The following EPAS1 variants were observed in gnomAD, a reference collection of about 807,000 sequenced individuals.
EPAS1 encodes endothelial PAS domain-containing protein 1.
EPAS1 carries 23 observed loss-of-function variants against 87.9 expected under a neutral mutation model. The ratio of observed to expected loss-of-function variants is 0.26; its 90% CI spans 0.19 to 0.37. EPAS1 has a LOEUF of 0.37. Among genes scored for constraint, EPAS1 ranks in the 10% least tolerant of loss-of-function variants. The pLI is 1.00. For synonymous variants in EPAS1, 508 were observed against 444.3 expected (o/e 1.14, Z -1.80); for missense variants, 1,138 against 1,120.7 (o/e 1.02, Z -0.22).
At chr2:46,362,971 G>GGTA (rs1684427470) in intron 6 of EPAS1, among the ~76,000 whole-genome samples, 1 of 87,174 alleles carries the variant, frequency 1.1e-5, no homozygotes, top group African/African-American at 4.9e-5. Context: ...TGGTGGTGGT[G>GGTA]GTGGTAGTGG....
chr2:46,346,997 C>G lies in EPAS1; in HGVS notation c.151C>G (p.Leu51Val). The change falls in exon 2 of 16, where the codon CTG (leucine) becomes GTG (valine). Residue 51 changes from leucine (L) to valine (V), a missense_variant. Leu to Val is a conservative substitution (Grantham distance 32). Coordinates refer to ENST00000263734, the MANE Select transcript of EPAS1 (RefSeq NM_001430.5). The surrounding 1 kb of genome is among the most constrained non-coding windows in gnomAD (Gnocchi z 4.0). ...TCTGCCCCACAGTGTGAGCTCCCAT[C>G]TGGACAAGGCCTCCATCATGCGACT... ...LPLPHSVSSH[L>V]DKASIMRLAI... The G allele has an allele frequency of 6.2e-7, 1 of 1,614,246 alleles. No individual in the cohort carries two copies. Among genetic ancestry groups the G allele is most frequent in the Non-Finnish European group, 8.5e-7 (1 of 1,180,044 alleles).
chr2:46,327,728 A>C (rs1171630084), intron 1 of EPAS1, among the ~76,000 whole-genome samples: 1 of 152,238 alleles, frequency 6.6e-6, no homozygotes, highest in Non-Finnish European at 1.5e-5. Flanking sequence ...GGCACAGAGT[A>C]GGCACACACA....
At position 46,360,376 on chromosome 2, in the gene EPAS1, T is replaced by C. The variant is rs1684361785; in HGVS notation, c.455-262T>C. On this transcript the variant is annotated intron_variant, in intron 4 of 15. Coordinates refer to ENST00000263734, the MANE Select transcript of EPAS1 (RefSeq NM_001430.5). This position sits in a 1 kb window ranked among gnomAD's most constrained non-coding sequence, Gnocchi z 4.5. ...AAGGCACCACTGACCATGTTCCAGA[T>C]GCAATGGGAAATCAAATGATGGAGC... 6.6e-6 allele frequency among the ~76,000 whole-genome samples: 1 copy of C among 152,178 alleles called. No individual in the cohort carries two copies. The highest frequency in any genetic ancestry group is 2.1e-4 in the South Asian group (1 of 4,830).
chr2:46,314,130 C>T (rs570094622), intron 1 of EPAS1, among the ~76,000 whole-genome samples: 11 of 152,190 alleles, frequency 7.2e-5, no homozygotes, highest in Non-Finnish European at 1.5e-4. Flanking sequence ...TCCACAGACC[C>T]ATGCTGTCTC....
chr2:46,380,148 C>G lies in EPAS1; in HGVS notation c.1555-79C>G. 3 of 1,597,258 alleles carry G rather than the reference C, an allele frequency of 1.9e-6. No individual in the cohort carries two copies. Among genetic ancestry groups the G allele is most frequent in the Non-Finnish European group, 1.7e-6 (2 of 1,178,262 alleles). ...GAAACAGTGCTTGAGATGAATGGCT[C>G]TGCAGGAGCTGAGTTGGAATAGTGT... is the stretch of plus-strand genomic sequence containing the variant. On this transcript the variant is annotated intron_variant, in intron 11 of 15. Transcript: ENST00000263734. This position sits in a 1 kb window ranked among gnomAD's most constrained non-coding sequence, Gnocchi z 4.4.
At chr2:46,372,530 G>A (rs1401362646) in intron 7 of EPAS1, among the ~76,000 whole-genome samples, 1 of 152,234 alleles carries the variant, frequency 6.6e-6, no homozygotes, top group East Asian at 1.9e-4. Context: ...TTTCCAAATG[G>A]ATTAATAATT....
intron 1 of EPAS1, among the ~76,000 whole-genome samples, chr2:46,342,039 G>T (rs1683923569): frequency 6.6e-6 from 1 of 151,986 alleles, no homozygotes; most frequent in East Asian, 1.9e-4. Context: ...CTTTGGAACC[G>T]TGGTCCTCAG....
intron 1 of EPAS1, among the ~76,000 whole-genome samples, chr2:46,299,392 C>T (rs1449338859): frequency 6.6e-6 from 1 of 152,194 alleles, no homozygotes; most frequent in East Asian, 1.9e-4. Context: ...AGTGAGGGAG[C>T]CCTGAGACTG....
chr2:46,309,330 C>T (rs1683169358), intron 1 of EPAS1, among the ~76,000 whole-genome samples: 1 of 152,244 alleles, frequency 6.6e-6, no homozygotes. Flanking sequence ...GGACCCTGCA[C>T]TCAGGATGTC....
chr2:46,382,311 T>G, intron 14 of EPAS1, 114 bp from the exon 15 acceptor site: 1 of 1,394,416 alleles, frequency 7.2e-7, no homozygotes, highest in Non-Finnish European at 1.0e-6. Context: ...GAAGGTTGGC[T>G]GTAGTTCTGG....
intron 1 of EPAS1, among the ~76,000 whole-genome samples, chr2:46,313,438 GTTATTTATTTAT>G (rs34298350): frequency 3.2e-4 from 47 of 148,774 alleles, no homozygotes; most frequent in East Asian, 2.8e-3. Flanking sequence ...CCCACATGTT[GTTATTTATTTAT>G]TTATTTATTT....
chr2:46,353,238 C>G (rs1320689951), intron 2 of EPAS1, among the ~76,000 whole-genome samples: 1 of 152,224 alleles, frequency 6.6e-6, no homozygotes, highest in African/African-American at 2.4e-5. Flanking sequence ...TAATTAAGGT[C>G]ACTCGTAGGA....
In EPAS1 at chr2:46,347,932, C is replaced by T. The variant is rs900299331; in HGVS notation, c.217+869C>T. 6.6e-6 allele frequency among the ~76,000 whole-genome samples: 1 copy of T among 152,150 alleles called. No individual in the cohort carries two copies. The highest frequency in any genetic ancestry group is 6.5e-5 in the Admixed American group (1 of 15,280). On this transcript the variant is annotated intron_variant, in intron 2 of 15. Coordinates refer to ENST00000263734, the MANE Select transcript of EPAS1 (RefSeq NM_001430.5). The surrounding 1 kb of genome is among the most constrained non-coding windows in gnomAD (Gnocchi z 4.2). ...CTGGTGCCACAGGTGGGGACAGTGT[C>T]TGACGGGTGAGCATGAGGGAGGCAC...
intron 8 of EPAS1, among the ~76,000 whole-genome samples, 175 bp from the exon 9 acceptor site, chr2:46,376,364 C>A (rs1003398884): frequency 3.3e-5 from 5 of 152,170 alleles, no homozygotes; most frequent in African/African-American, 1.2e-4. Flanking sequence ...CCTCTGTTGT[C>A]ACTACCTCCA....
chr2:46,329,999 A>T (rs1317474782), intron 1 of EPAS1, among the ~76,000 whole-genome samples: 1 of 152,236 alleles, frequency 6.6e-6, no homozygotes, highest in Admixed American at 6.5e-5. Context: ...TCACAGAATG[A>T]CTTAAATCCA....
chr2:46,299,579 C>T (rs1352651794), intron 1 of EPAS1, among the ~76,000 whole-genome samples: 1 of 152,194 alleles, frequency 6.6e-6, no homozygotes, highest in Non-Finnish European at 1.5e-5. Context: ...CAGACGCTTT[C>T]GGGTCCGGAG....
At chr2:46,377,062 G>A (rs1461533008) in intron 9 of EPAS1, among the ~76,000 whole-genome samples, 4 of 152,198 alleles carry the variant, frequency 2.6e-5, no homozygotes, top group African/African-American at 7.2e-5. Context: ...AGAGGGAGGG[G>A]AGAGGTGAGG....
At chr2:46,319,558 G>A (rs777182910) in intron 1 of EPAS1, among the ~76,000 whole-genome samples, 2 of 152,232 alleles carry the variant, frequency 1.3e-5, no homozygotes, top group African/African-American at 2.4e-5. Flanking sequence ...GGTGCTATCA[G>A]TGTTTCTGTC....
chr2:46,356,005 C>T, intron 2 of EPAS1, 146 bp from the exon 3 acceptor site: 1 of 848,088 alleles, frequency 1.2e-6, no homozygotes, highest in Non-Finnish European at 2.0e-6. Context: ...CAGGCGGAGG[C>T]AGACATTCAG....
Sources: allele counts gnomAD v4.1 joint callset (sites outside exome capture counted in the v4.1 genomes callset), GRCh38; gene constraint gnomAD v4.1.1; non-coding constraint Gnocchi (gnomAD v3.1); transcripts MANE v1.5; gene names NCBI Gene and HGNC (gene_info 2026-07-23, HGNC 2026-07-21).